HECTD2: variants seen among roughly 807,000 people sequenced by gnomAD.
HECTD2 encodes probable E3 ubiquitin-protein ligase HECTD2.
A neutral mutation model predicts 103.2 loss-of-function variants in HECTD2; 35 were observed. The ratio of observed to expected loss-of-function variants is 0.34; its 90% CI spans 0.26 to 0.45. The LOEUF is 0.45. Ranked by LOEUF, HECTD2 falls within the 20% of genes least tolerant of loss-of-function variation. The pLI, the probability that HECTD2 is intolerant of heterozygous loss-of-function variation, is 1.00. For missense variants in HECTD2, 596 were observed against 937.4 expected, an observed-to-expected ratio of 0.64 and a Z score of 4.76; for synonymous variants, 281 against 329.9, an observed-to-expected ratio of 0.85 and a Z score of 1.61.
chr10:91,496,652 A>G (rs537199377), intron 15 of HECTD2, among the ~76,000 whole-genome samples: 1 of 152,222 alleles, frequency 6.6e-6, no homozygotes, highest in South Asian at 2.1e-4. Context: ...TAACCCTTCA[A>G]TTTAGTTTCT....
chr10:91,470,906 G>A (rs966835346), intron 5 of HECTD2, among the ~76,000 whole-genome samples: 3 of 152,040 alleles, frequency 2.0e-5, no homozygotes, highest in Admixed American at 2.0e-4. Context: ...TTGAAGAGGA[G>A]GGACTCTTCC....
chr10:91,482,608 A>G (rs527378866), intron 7 of HECTD2, among the ~76,000 whole-genome samples: 1 of 152,066 alleles, frequency 6.6e-6, no homozygotes, highest in East Asian at 1.9e-4. Flanking sequence ...AAGGTGCTTT[A>G]TATACATTTT....
rs1217990717 is a variant in HECTD2, at chr10:91,512,423, T to G, written c.*39T>G. 6.4e-7 allele frequency: 1 copy of G among 1,568,490 alleles called. No homozygotes were observed. The highest frequency in any genetic ancestry group is 8.7e-7 in the Non-Finnish European group (1 of 1,144,584). Reference sequence around the variant, plus strand: ...AAATATAATCTTTTATATGTAGCATTCACTTCCCTCTTACTGTGCCTTTAG... The same window carrying G: ...AAATATAATCTTTTATATGTAGCATGCACTTCCCTCTTACTGTGCCTTTAG... On this transcript the variant is annotated 3_prime_UTR_variant, in exon 21 of 21. Transcript: ENST00000298068.
At chr10:91,457,364 AG>A (rs932915650) in intron 2 of HECTD2, among the ~76,000 whole-genome samples, 15 of 152,046 alleles carry the variant, frequency 9.9e-5, no homozygotes, top group African/African-American at 3.6e-4. Context: ...AAAAAATAAA[AG>A]AAAAAATTAC....
intron 2 of HECTD2, among the ~76,000 whole-genome samples, chr10:91,440,317 G>A (rs142746349): frequency 2.6e-5 from 4 of 152,082 alleles, no homozygotes; most frequent in East Asian, 1.9e-4. Flanking sequence ...AGGACTTTTC[G>A]GTAGTTATTG....
intron 5 of HECTD2, among the ~76,000 whole-genome samples, chr10:91,465,576 G>A (rs1845502561): frequency 6.7e-6 from 1 of 150,128 alleles, no homozygotes; most frequent in Non-Finnish European, 1.5e-5. Flanking sequence ...TTTTTTTTAA[G>A]ATGTTCTTCA....
chr10:91,424,967 G>A (rs1219290717), intron 1 of HECTD2, among the ~76,000 whole-genome samples: 3 of 151,966 alleles, frequency 2.0e-5, no homozygotes, highest in Non-Finnish European at 4.4e-5. Context: ...AACATTAATG[G>A]AGGGTGTATA....
chr10:91,410,718 C>T, intron 1 of HECTD2, 142 bp downstream of exon 1: 1 of 747,886 alleles, frequency 1.3e-6, no homozygotes, highest in East Asian at 3.5e-5. Context: ...GCCGCCCTTC[C>T]TTGGGCAGAA....
Position 91,487,450 on chromosome 10 carries a change from C to G in HECTD2, c.1095-232C>G. ...TAAGTGGTTAGCACACATTCAGAAC[C>G]TTTGATGTAGCTTCTGCAGAGAATA... On this transcript the variant is annotated intron_variant, in intron 10 of 20. Transcript: ENST00000298068. The surrounding 1 kb of genome is among the most constrained non-coding windows in gnomAD (Gnocchi z 4.1). The G allele has an allele frequency of 2.0e-6, 1 of 511,676 alleles. No individual in the cohort carries two copies. Among genetic ancestry groups the G allele is most frequent in the Non-Finnish European group, 3.6e-6 (1 of 279,816 alleles). 31.7% of individuals were successfully genotyped at this position (511,676 alleles called of 1,614,324 possible). A position where few individuals can be genotyped will look rare whatever the true frequency, so the allele number is the denominator to read the frequency against.
chr10:91,432,559 C>T (rs1408207450), intron 2 of HECTD2, among the ~76,000 whole-genome samples: 2 of 151,952 alleles, frequency 1.3e-5, no homozygotes, highest in Non-Finnish European at 2.9e-5. Context: ...CCCTTACTCT[C>T]TTGTGTCTTC....
chr10:91,433,658 C>G (rs1843992728), intron 2 of HECTD2, among the ~76,000 whole-genome samples: 3 of 151,856 alleles, frequency 2.0e-5, no homozygotes, highest in Non-Finnish European at 2.9e-5. Flanking sequence ...TGACTCTGTA[C>G]ATATGTCGCT....
At chr10:91,509,769 C>CTA (rs1469598772) in intron 20 of HECTD2, among the ~76,000 whole-genome samples, 1 of 152,038 alleles carries the variant, frequency 6.6e-6, no homozygotes, top group African/African-American at 2.4e-5. Context: ...ACACTGGGAC[C>CTA]TACTTGAGCG....
rs1464955780 is a variant in HECTD2 at position 91,504,333 on chromosome 10, T to C, written c.2210+2999T>C. Among the ~76,000 whole-genome samples the C allele has an allele frequency of 7.2e-5, 11 of 152,248 alleles. No individual in the cohort carries two copies. The South Asian group carries it at 8.3e-4, about 11-fold the overall frequency. The stretch of plus-strand genomic sequence containing the variant: ...TTCAGATGATCAAATTACTCTGAGC[T>C]ACGGGAGGACATTCAAACCAAAGGC... On this transcript the variant is annotated intron_variant, in intron 20 of 20. Coordinates refer to ENST00000298068, the MANE Select transcript of HECTD2 (RefSeq NM_182765.6).
intron 2 of HECTD2, among the ~76,000 whole-genome samples, chr10:91,456,743 T>TA (rs1262429341): frequency 1.4e-4 from 21 of 152,016 alleles, no homozygotes; most frequent in African/African-American, 4.6e-4. Flanking sequence ...TATTTTGAGA[T>TA]ACGTCAAAAA....
intron 20 of HECTD2, among the ~76,000 whole-genome samples, chr10:91,501,778 CTTTT>C (rs562187761): frequency 2.1e-5 from 3 of 139,744 alleles, no homozygotes; most frequent in African/African-American, 5.2e-5. Context: ...TACTAATCCT[CTTTT>C]TTTTTTTAAT....
chr10:91,485,299 C>A lies in HECTD2; in HGVS notation c.1090C>A (p.His364Asn). ...YHTWQNFGNS[H>N]RFSFCQYPFV... ...TACTTGGCAAAACTTTGGAAACTCT[C>A]ACAGGTATGAACAAAAGTTCCTTTG... Residue 364 changes from histidine to asparagine, a missense_variant, in exon 10 of 21, where the codon CAC (histidine) becomes AAC (asparagine). By Grantham distance (68) the His-to-Asn change is moderately conservative. Transcript: ENST00000298068. The A allele has an allele frequency of 6.3e-7, 1 of 1,589,764 alleles. No homozygotes were observed.
chr10:91,414,975 C>CT (rs1414171121), intron 1 of HECTD2, among the ~76,000 whole-genome samples: 1 of 151,960 alleles, frequency 6.6e-6, no homozygotes, highest in Non-Finnish European at 1.5e-5. Context: ...TATAGTTAAA[C>CT]TAGAGGAGGG....
At chr10:91,420,280 CAA>C (rs58296918) in intron 1 of HECTD2, among the ~76,000 whole-genome samples, 78 of 109,864 alleles carry the variant, frequency 7.1e-4, no homozygotes, top group African/African-American at 1.2e-3. Flanking sequence ...TTTATGATTA[CAA>C]AAAAAAAAAA....
Position 91,496,311 on chromosome 10 carries a change from A to T in HECTD2, c.1619A>T (p.Asp540Val). 6.2e-7 allele frequency: 1 copy of T among 1,612,094 alleles called. No homozygotes were observed. Among genetic ancestry groups the T allele is most frequent in the Non-Finnish European group, 8.5e-7 (1 of 1,178,248 alleles). Residue 540 changes from aspartate to valine, a missense_variant, in exon 15 of 21, where the codon GAT becomes GTT. This residue lies in a region of HECTD2 where 303 missense variants were observed against 522.5 expected (regional missense o/e 0.58). Transcript: ENST00000298068. ...TTGAGCCCTCCCATCATTCCTAGTG[A>T]TCAAAATATACCAGTAGGCATCTGC... Reference protein sequence around the residue: ...KLLSPPIIPSDQNIPVGICNV... With the variant: ...KLLSPPIIPSVQNIPVGICNV...
Sources: gnomAD v4.1 joint callset for allele counts (sites outside exome capture counted in the v4.1 genomes callset) on GRCh38, gnomAD v4.1.1 for gene constraint, gnomAD v4.1.1 regional missense constraint, Gnocchi (gnomAD v3.1) non-coding constraint, MANE v1.5 for transcripts, NCBI Gene and HGNC (gene_info 2026-07-23, HGNC 2026-07-21) for gene names.